Variants in ALKBH3 observed in about 807,000 individuals in gnomAD.
The protein encoded by ALKBH3 is alpha-ketoglutarate-dependent dioxygenase alkB homolog 3.
A neutral mutation model predicts 43.9 loss-of-function variants in ALKBH3; 51 were observed. The observed-to-expected ratio is 1.16, with a 90% CI of 0.93 to 1.47. ALKBH3 has a LOEUF of 1.47. Ranked by LOEUF, ALKBH3 falls within the 40% of genes most tolerant of loss-of-function variation. ALKBH3 has a pLI of 0.00. For missense variants in ALKBH3, 361 were observed against 351.9 expected (o/e 1.03, Z -0.21); for synonymous variants, 102 against 115.2 (o/e 0.89, Z 0.73).
intron 8 of ALKBH3, chr11:43,909,197 T>C (rs920910436): frequency 6.6e-6 from 1 of 152,200 alleles, no homozygotes; most frequent in African/African-American, 2.4e-5. Context: ...AGAAACAGCT[T>C]CTGTTTTTAA....
chr11:43,897,757 C>T, intron 7 of ALKBH3: 1 of 802,308 alleles, frequency 1.2e-6, no homozygotes, highest in Non-Finnish European at 2.3e-6. Flanking sequence ...CATAATGAAA[C>T]ATTTTCCAAT....
rs769562111 is a variant in ALKBH3, at chr11:43,901,591, A to G, written c.535A>G (p.Asn179Asp). ...CCACACCTTCAACTCCTTACTCTGC[A>G]ATCTTTATCGCAATGAGAAGGACAG... Reference protein sequence around the residue: ...TGHTFNSLLCNLYRNEKDSVD... With the variant: ...TGHTFNSLLCDLYRNEKDSVD... The change falls in exon 8 of 10, where the codon AAT becomes GAT. Residue 179 changes from asparagine (N) to aspartate (D), a missense_variant. Transcript: ENST00000302708. The G allele has an allele frequency of 1.1e-5, 17 of 1,614,126 alleles. No individual in the cohort carries two copies. The South Asian group carries it at 1.6e-4, about 16-fold the overall frequency.
Position 43,882,748 on chromosome 11 carries a change from AT to A in ALKBH3, c.79+21del. ...CTCAGCCAGGCAAGAATCTGTAGGG[AT>A]TTTGTGTGTGTGTGGATATGGACAA... On this transcript the variant is annotated intron_variant, in intron 2 of 9. Transcript: ENST00000302708. The A allele has an allele frequency of 6.2e-7, 1 of 1,606,312 alleles. No homozygotes were observed. The highest frequency in any genetic ancestry group is 8.5e-7 in the Non-Finnish European group (1 of 1,177,350).
chr11:43,904,572 G>C (rs1190122588), intron 8 of ALKBH3, among the ~76,000 whole-genome samples: 2 of 152,056 alleles, frequency 1.3e-5, no homozygotes, highest in African/African-American at 4.8e-5. Context: ...ATTCCTTCAG[G>C]TCTCACTAAC....
intron 8 of ALKBH3, among the ~76,000 whole-genome samples, chr11:43,902,638 C>T (rs1214320946): frequency 1.3e-5 from 2 of 152,238 alleles, no homozygotes; most frequent in African/African-American, 4.8e-5. Context: ...CTCTGTCGCC[C>T]AGGCTGGAGT....
chr11:43,881,318 G>A (rs1014386232), intron 1 of ALKBH3, 139 bp downstream of exon 1: 3 of 152,282 alleles, frequency 2.0e-5, no homozygotes, highest in Non-Finnish European at 4.4e-5. Flanking sequence ...CCTGGGTTGA[G>A]GGTGGCGTTA....
intron 7 of ALKBH3, chr11:43,897,649 C>T (rs1951828948): frequency 5.6e-6 from 5 of 900,140 alleles, no homozygotes; most frequent in Non-Finnish European, 9.5e-6. Context: ...GATGTAGATG[C>T]ACCAAGACTG....
At chr11:43,908,258 A>G (rs1326144470) in intron 8 of ALKBH3, among the ~76,000 whole-genome samples, 1 of 152,218 alleles carries the variant, frequency 6.6e-6, no homozygotes, top group East Asian at 1.9e-4. Flanking sequence ...GACTGAAGAT[A>G]TAGGTGAGTT....
Position 43,901,697 on chromosome 11 carries a change from C to T in ALKBH3, c.641C>T (p.Thr214Ile). 6.2e-7 allele frequency: 1 copy of T among 1,614,254 alleles called. No individual in the cohort carries two copies. ...IASLSFGATR[T>I]FEMRKKPPPE... is the part of the protein sequence containing the mutation. ...TCACTAAGTTTTGGTGCCACACGCA[C>T]ATTTGAGATGAGAAAGAAGCCACCA... The change falls in exon 8 of 10, where the codon ACA becomes ATA. Residue 214 changes from threonine to isoleucine, a missense_variant. Coordinates refer to ENST00000302708, the MANE Select transcript of ALKBH3 (RefSeq NM_139178.4).
intron 1 of ALKBH3, among the ~76,000 whole-genome samples, chr11:43,881,938 T>G (rs1468292327): frequency 6.6e-6 from 1 of 152,206 alleles, no homozygotes; most frequent in Non-Finnish European, 1.5e-5. Context: ...TTATTAGCCA[T>G]TATGAGGTGG....
intron 8 of ALKBH3, among the ~76,000 whole-genome samples, chr11:43,914,515 A>G (rs1951966943): frequency 6.6e-6 from 1 of 152,186 alleles, no homozygotes; most frequent in Non-Finnish European, 1.5e-5. Flanking sequence ...CCACCACCAA[A>G]AAACAAACTC....
intron 6 of ALKBH3, among the ~76,000 whole-genome samples, chr11:43,890,568 TA>T (rs757956922): frequency 4.6e-5 from 7 of 152,098 alleles, no homozygotes; most frequent in Non-Finnish European, 7.4e-5. Context: ...AATCCTTTCA[TA>T]AAAACTATCA....
chr11:43,919,685 GA>G, intron 9 of ALKBH3: 1 of 454,280 alleles, frequency 2.2e-6, no homozygotes, highest in Non-Finnish European at 4.0e-6. Context: ...GCAACAATTA[GA>G]AAAGATGAAA....
chr11:43,916,701 A>G (rs1421829832), intron 8 of ALKBH3: 1 of 152,228 alleles, frequency 6.6e-6, no homozygotes, highest in East Asian at 1.9e-4. Context: ...CCATTTATCA[A>G]CTGGAGCCTT....
chr11:43,915,286 CTAAT>C (rs2135206880), intron 8 of ALKBH3, among the ~76,000 whole-genome samples: 1 of 151,992 alleles, frequency 6.6e-6, no homozygotes, highest in African/African-American at 2.4e-5. Context: ...CATTTCTCCC[CTAAT>C]TGTTTTTCGT....
chr11:43,899,142 C>T (rs1951842183), intron 7 of ALKBH3: 1 of 774,320 alleles, frequency 1.3e-6, no homozygotes, highest in South Asian at 1.3e-5. Flanking sequence ...GTCGCCACAG[C>T]CACCCAAAAA....
intron 6 of ALKBH3, 81 bp from the exon 7 acceptor site, chr11:43,891,960 T>G: frequency 9.4e-7 from 1 of 1,065,948 alleles, no homozygotes; most frequent in Non-Finnish European, 1.4e-6. Flanking sequence ...CATAGCACAT[T>G]GCAAGGCACA....
At chr11:43,894,216 G>T (rs1185152415) in intron 7 of ALKBH3, among the ~76,000 whole-genome samples, 1 of 152,146 alleles carries the variant, frequency 6.6e-6, no homozygotes, top group African/African-American at 2.4e-5. Flanking sequence ...GCCTTGACTG[G>T]CTGGGAGTCC....
intron 7 of ALKBH3, among the ~76,000 whole-genome samples, chr11:43,895,205 A>G (rs538935404): frequency 4.6e-5 from 7 of 152,320 alleles, no homozygotes; most frequent in African/African-American, 1.7e-4. Context: ...TGCGAAACAT[A>G]TAACATGATA....
Sources: gnomAD v4.1 joint callset for allele counts (sites outside exome capture counted in the v4.1 genomes callset) on GRCh38, gnomAD v4.1.1 for gene constraint, MANE v1.5 for transcripts, NCBI Gene and HGNC (gene_info 2026-07-23, HGNC 2026-07-21) for gene names.